Variants in COG1 observed in about 807,000 individuals in gnomAD.
The protein encoded by COG1 is conserved oligomeric Golgi complex subunit 1.
Under a neutral mutation model 102.2 loss-of-function variants are expected in COG1, and 61 were observed. That is an observed-to-expected ratio of 0.60 (90% CI 0.49 to 0.74). The LOEUF (loss-of-function observed/expected upper bound fraction) is 0.74, where lower values mean the gene tolerates loss of function less well. COG1 is among the 30% of genes least tolerant of loss of function. COG1 has a pLI of 0.00. For synonymous variants in COG1, 454 were observed against 493.6 expected (o/e 0.92, Z 1.06); for missense variants, 1,164 against 1,232.1 (o/e 0.94, Z 0.83).
intron 10 of COG1, 186 bp from the exon 11 acceptor site, chr17:73,205,968 A>G: frequency 1.5e-6 from 1 of 683,140 alleles, no homozygotes. Flanking sequence ...AACGGGGGAA[A>G]GGGTGGACTT....
At chr17:73,194,612 TG>T (rs1330819609) in intron 1 of COG1, among the ~76,000 whole-genome samples, 1 of 151,938 alleles carries the variant, frequency 6.6e-6, no homozygotes, top group African/African-American at 2.4e-5. Context: ...TACAGGCACC[TG>T]CCACCATGTC....
At chr17:73,203,564 G>GA in intron 8 of COG1, 68 bp from the exon 9 acceptor site, 1 of 1,581,688 alleles carries the variant, frequency 6.3e-7, no homozygotes, top group Non-Finnish European at 8.7e-7. Flanking sequence ...AGATTAAGTG[G>GA]ATTCACTTTC....
In COG1 at chr17:73,193,082, G is replaced by A. The variant is rs773015047; in HGVS notation, c.13G>A (p.Ala5Thr). ...TGACGAGTGCACCATGGCCACCGCG[G>A]CAACCTCACCCGCGCTGAAGCGGCT... MATA[A>T]TSPALKRLDL... The change falls in exon 1 of 14, where the codon GCA becomes ACA. Residue 5 changes from alanine to threonine, a missense_variant. Physicochemically the swap from Ala to Thr is moderately conservative, Grantham distance 58. Transcript: ENST00000299886. 6.5e-7 allele frequency: 1 copy of A among 1,545,282 alleles called. No individual in the cohort carries two copies. Among genetic ancestry groups the A allele is most frequent in the South Asian group, 1.1e-5 (1 of 90,202 alleles).
chr17:73,206,623 C>T (rs1425946628), intron 11 of COG1, 85 bp from the exon 12 acceptor site: 12 of 860,926 alleles, frequency 1.4e-5, no homozygotes, highest in Non-Finnish European at 2.1e-5. Context: ...AATACGGTAG[C>T]GATGGGTGAC....
chr17:73,202,899 C>A, intron 7 of COG1, 101 bp from the exon 8 acceptor site: 1 of 1,299,768 alleles, frequency 7.7e-7, no homozygotes, highest in Non-Finnish European at 1.1e-6. Context: ...GTACCTACAA[C>A]TTCAGCAGCT....
chr17:73,203,518 T>G lies in COG1; in HGVS notation c.2221-114T>G, dbSNP rs1016411877. The G allele has an allele frequency of 3.9e-6, 5 of 1,283,318 alleles. No homozygotes were observed. In the African/African-American group the frequency reaches 7.3e-5, roughly 19 times the overall value. 79.5% of individuals were successfully genotyped at this position (1,283,318 alleles called of 1,614,324 possible). ...ACAGTCTGCCTGTAAGAAGCGTTGC[T>G]GAGAGGGGTCAAAGTCCTGGCACAT... On this transcript the variant is annotated intron_variant, in intron 8 of 13. Transcript: ENST00000299886.
intron 11 of COG1, among the ~76,000 whole-genome samples, chr17:73,206,483 A>G (rs922966737): frequency 9.2e-5 from 14 of 152,190 alleles, no homozygotes; most frequent in Non-Finnish European, 1.5e-4. Flanking sequence ...AAGGATTATT[A>G]CAGTTTTATC....
intron 13 of COG1, chr17:73,207,657 C>A: frequency 7.7e-7 from 1 of 1,292,166 alleles, no homozygotes; most frequent in Non-Finnish European, 1.0e-6. Flanking sequence ...AAATTTGTTT[C>A]CCCAAAAGTT....
At position 73,206,216 on chromosome 17, in the gene COG1, C is replaced by T. The variant is rs146329969; in HGVS notation, c.2573C>T (p.Thr858Met). Residue 858 changes from threonine (T) to methionine (M), a missense_variant, in exon 11 of 14, where the codon ACG becomes ATG. Physicochemically the swap from Thr to Met is moderately conservative, Grantham distance 81 (BLOSUM62 -1). Coordinates refer to ENST00000299886, the MANE Select transcript of COG1 (RefSeq NM_018714.3). Reference sequence around the variant, plus strand: ...GATCCATTTGACCTGGACGTTTTCACGCCACACCTCAACAGCAACCTTCAT... The same window carrying T: ...GATCCATTTGACCTGGACGTTTTCATGCCACACCTCAACAGCAACCTTCAT... ...LIDPFDLDVFTPHLNSNLHRL... is the reference protein window; with the variant it reads ...LIDPFDLDVFMPHLNSNLHRL... 1.1e-5 allele frequency: 17 copies of T among 1,614,028 alleles called. No individual in the cohort carries two copies. Among genetic ancestry groups the T allele is most frequent in the South Asian group, 2.2e-5 (2 of 91,082 alleles).
Position 73,203,782 on chromosome 17 carries a change from A to G in COG1, c.2371A>G (p.Lys791Glu), listed in dbSNP as rs1268151164. 2 of 1,614,120 alleles carry G rather than the reference A, an allele frequency of 1.2e-6. No individual in the cohort carries two copies. The highest frequency in any genetic ancestry group is 1.7e-6 in the Non-Finnish European group (2 of 1,180,044). The change falls in exon 9 of 14, where the codon AAA (lysine) becomes GAA (glutamate). Residue 791 changes from lysine (K) to glutamate (E), a missense_variant. Lys to Glu is a moderately conservative substitution (Grantham distance 56). Transcript: ENST00000299886. ...TGCCTATGAGAAACTCTCCGAAGAAAAACAGATTAAGGTAGGTGTCTGAAT... is the reference window on the plus strand; with the variant it reads ...TGCCTATGAGAAACTCTCCGAAGAAGAACAGATTAAGGTAGGTGTCTGAAT... ...VAAYEKLSEE[K>E]QIKKEGAFPV... is the part of the protein sequence containing the mutation.
chr17:73,193,315 C>T lies in COG1; in HGVS notation c.246C>T (p.Ala82=), dbSNP rs1293872063. ...TGGGGCTAGTGGACGCCGTGAAGGCCACCGACCAGTACTGCGCCCGCCTCC... is the reference window on the plus strand; with the variant it reads ...TGGGGCTAGTGGACGCCGTGAAGGCTACCGACCAGTACTGCGCCCGCCTCC... The part of the protein sequence containing the change: ...CAVGLVDAVK[A]TDQYCARLRQ... The change falls in exon 1 of 14, where the codon GCC becomes GCT. Residue 82 remains alanine (A), a synonymous_variant. Coordinates refer to ENST00000299886, the MANE Select transcript of COG1 (RefSeq NM_018714.3). The T allele has an allele frequency of 6.3e-7, 1 of 1,575,894 alleles. No homozygotes were observed. Among genetic ancestry groups the T allele is most frequent in the Non-Finnish European group, 8.6e-7 (1 of 1,164,264 alleles).
intron 1 of COG1, among the ~76,000 whole-genome samples, chr17:73,194,152 A>ATTTTTTTTTTTTTTTTTT (rs1257232460): frequency 1.0e-4 from 15 of 147,474 alleles, no homozygotes; most frequent in African/African-American, 1.5e-4. Context: ...TTCCTAAAGA[A>ATTTTTTTTTTTTTTTTTT]TTTTTATTGG....
At chr17:73,196,781 T>G (rs543560963) in intron 2 of COG1, 30 bp downstream of exon 2, 3 of 1,614,108 alleles carry the variant, frequency 1.9e-6, no homozygotes, top group Non-Finnish European at 1.7e-6. Context: ...AGAGCTGCTC[T>G]GGTGGTGGCC....
chr17:73,196,777 G>T, intron 2 of COG1, 26 bp downstream of exon 2: 1 of 1,614,086 alleles, frequency 6.2e-7, no homozygotes, highest in Non-Finnish European at 8.5e-7. Context: ...GCAAAGAGCT[G>T]CTCTGGTGGT....
In COG1 at chr17:73,201,539, G is replaced by C; in HGVS notation, c.1712G>C (p.Arg571Pro). 1 of 1,614,236 alleles carries C rather than the reference G, an allele frequency of 6.2e-7. No homozygotes were observed. Among genetic ancestry groups the C allele is most frequent in the Non-Finnish European group, 8.5e-7 (1 of 1,180,050 alleles). Residue 571 changes from arginine (R) to proline (P), a missense_variant, in exon 7 of 14, where the codon CGG (arginine) becomes CCG (proline). By Grantham distance (103) the Arg-to-Pro change is moderately radical (BLOSUM62 -2). Transcript: ENST00000299886. ...ADAGTVQEML[R>P]TQSVACIKHI... ...GCGGGGACCGTGCAGGAGATGCTGC[G>C]GACTCAGTCCGTGGCATGCATCAAG...
chr17:73,198,081 G>C (rs2061332549), intron 4 of COG1, among the ~76,000 whole-genome samples: 1 of 152,116 alleles, frequency 6.6e-6, no homozygotes, highest in East Asian at 1.9e-4. Context: ...AGATCCCCTT[G>C]GGGCTAGAAT....
rs1270386762 is a variant in COG1, at chr17:73,199,968, A to T, written c.1017A>T (p.Ala339=). 3 of 1,614,128 alleles carry T rather than the reference A, an allele frequency of 1.9e-6. No homozygotes were observed. In the Admixed American group the frequency reaches 5.0e-5, roughly 27 times the overall value. Residue 339 remains alanine (A), a synonymous_variant, in exon 5 of 14, where the codon GCA becomes GCT. Transcript: ENST00000299886. ...VEFQPTLRTL[A]HPISQEYLKD... ...TCCAGCCAACACTCCGAACCCTTGCACATCCCATCAGTCAGGAATACCTGA... is the reference window on the plus strand; with the variant it reads ...TCCAGCCAACACTCCGAACCCTTGCTCATCCCATCAGTCAGGAATACCTGA...
At chr17:73,204,839 G>A (rs925814846) in intron 9 of COG1, among the ~76,000 whole-genome samples, 1 of 152,156 alleles carries the variant, frequency 6.6e-6, no homozygotes, top group Non-Finnish European at 1.5e-5. Context: ...CTATGGGCAG[G>A]AGCCATCACG....
chr17:73,197,363 A>G lies in COG1; in HGVS notation c.880A>G (p.Thr294Ala). ...PALPCGLLFS[T>A]LETITGQHPA... ...CCTGCCATGTGGCTTGCTCTTCTCT[A>G]CTCTGGAGACCATCACAGGCCAGCA... is the stretch of plus-strand genomic sequence containing the variant. Residue 294 changes from threonine to alanine, a missense_variant, in exon 4 of 14, where the codon ACT (threonine) becomes GCT (alanine). Physicochemically the swap from Thr to Ala is moderately conservative, Grantham distance 58. Coordinates refer to ENST00000299886, the MANE Select transcript of COG1 (RefSeq NM_018714.3). 1.2e-6 allele frequency: 2 copies of G among 1,614,016 alleles called. No individual in the cohort carries two copies. The highest frequency in any genetic ancestry group is 1.1e-5 in the South Asian group (1 of 91,082).
Sources: allele counts gnomAD v4.1 joint callset (sites outside exome capture counted in the v4.1 genomes callset), GRCh38; gene constraint gnomAD v4.1.1; transcripts MANE v1.5; gene names NCBI Gene and HGNC (gene_info 2026-07-23, HGNC 2026-07-21).